ITPR1: variants seen among roughly 807,000 people sequenced by gnomAD.
ITPR1 encodes the protein inositol 1,4,5-trisphosphate receptor type 1.
Under a neutral mutation model 318.4 loss-of-function variants are expected in ITPR1, and 96 were observed. The ratio of observed to expected loss-of-function variants is 0.30; its 90% CI spans 0.26 to 0.36. ITPR1 has a LOEUF of 0.36. Among genes scored for constraint, ITPR1 ranks in the 10% least tolerant of loss-of-function variants. The pLI, the probability that ITPR1 is intolerant of heterozygous loss-of-function variation, is 1.00. For missense variants in ITPR1, 2,440 were observed against 3,460.2 expected (o/e 0.71, Z 7.40); for synonymous variants, 1,312 against 1,289.9 (o/e 1.02, Z -0.37).
At chr3:4,736,531 G>A (rs1021736211) in intron 44 of ITPR1, among the ~76,000 whole-genome samples, 11 of 152,302 alleles carry the variant, frequency 7.2e-5, no homozygotes, top group African/African-American at 2.4e-4. Flanking sequence ...TTCCCCCAAC[G>A]TACACTTTTG....
chr3:4,696,091 A>G (rs2094553256), intron 33 of ITPR1, among the ~76,000 whole-genome samples: 1 of 152,162 alleles, frequency 6.6e-6, no homozygotes, highest in African/African-American at 2.4e-5. Flanking sequence ...AGTATCGCAT[A>G]CCAGCTTAAT....
intron 4 of ITPR1, among the ~76,000 whole-genome samples, chr3:4,624,475 C>T (rs573067633): frequency 6.6e-6 from 1 of 152,106 alleles, no homozygotes; most frequent in East Asian, 1.9e-4. Context: ...TCGAGACCAG[C>T]CTGGCCAACA....
At chr3:4,791,070 G>A (rs1559902759) in intron 52 of ITPR1, among the ~76,000 whole-genome samples, 2 of 152,178 alleles carry the variant, frequency 1.3e-5, no homozygotes, top group African/African-American at 2.4e-5. Context: ...AAGTGTATAT[G>A]GAGTCCAAGC....
intron 46 of ITPR1, among the ~76,000 whole-genome samples, chr3:4,774,019 GA>G (rs568414136): frequency 6.6e-6 from 1 of 152,134 alleles, no homozygotes; most frequent in Non-Finnish European, 1.5e-5. Context: ...AAGACCAAAT[GA>G]AAATAAGTAT....
At chr3:4,607,343 G>C (rs370293627) in intron 4 of ITPR1, among the ~76,000 whole-genome samples, 2 of 152,168 alleles carry the variant, frequency 1.3e-5, no homozygotes, top group Non-Finnish European at 2.9e-5. Flanking sequence ...GTGTTTCTCA[G>C]AGTGTGGTTG....
intron 4 of ITPR1, among the ~76,000 whole-genome samples, chr3:4,586,482 G>A (rs2089909093): frequency 1.3e-5 from 2 of 149,218 alleles, no homozygotes; most frequent in South Asian, 4.3e-4. Context: ...TTAAGTCACT[G>A]TCTGGCGGCA....
intron 4 of ITPR1, among the ~76,000 whole-genome samples, chr3:4,607,064 C>T (rs1300364648): frequency 1.3e-5 from 2 of 152,138 alleles, no homozygotes; most frequent in African/African-American, 2.4e-5. Context: ...ACAATAATAT[C>T]GAAGGCCTCT....
At chr3:4,524,375 A>G (rs1279187291) in intron 4 of ITPR1, among the ~76,000 whole-genome samples, 1 of 140,502 alleles carries the variant, frequency 7.1e-6, no homozygotes, top group African/African-American at 2.6e-5. Context: ...CTGCGTTTCC[A>G]AATATAAGTG....
intron 2 of ITPR1, among the ~76,000 whole-genome samples, chr3:4,502,528 C>T (rs1256518647): frequency 6.6e-6 from 1 of 151,892 alleles, no homozygotes; most frequent in Non-Finnish European, 1.5e-5. Context: ...GCAACCTCCG[C>T]CTGCCAGGTT....
At chr3:4,658,877 C>A (rs1013772563) in intron 13 of ITPR1, among the ~76,000 whole-genome samples, 1 of 152,086 alleles carries the variant, frequency 6.6e-6, no homozygotes, top group Non-Finnish European at 1.5e-5. Context: ...ATGGCTGACA[C>A]TTATTGAGCG....
intron 51 of ITPR1, 87 bp downstream of exon 51, chr3:4,784,007 C>T: frequency 1.1e-6 from 1 of 883,156 alleles, no homozygotes; most frequent in Non-Finnish European, 1.8e-6. Context: ...TGCATTCATT[C>T]ATCTGAGCAA....
chr3:4,768,917 TC>T (rs142461384), intron 46 of ITPR1, among the ~76,000 whole-genome samples, 153 bp downstream of exon 46: 4,256 of 139,126 alleles, frequency 0.031, 94 homozygotes, highest in African/African-American at 0.053. Context: ...TTTTCTTTTT[TC>T]TTTTTTTTTG....
intron 12 of ITPR1, among the ~76,000 whole-genome samples, chr3:4,657,470 T>G (rs889950449): frequency 8.7e-5 from 11 of 126,338 alleles, no homozygotes; most frequent in African/African-American, 4.2e-4. Flanking sequence ...TTTTGAAAGA[T>G]TTTTTTTTTT....
In ITPR1 at chr3:4,833,862, C is replaced by T. The variant is rs1263754271; in HGVS notation, c.8029-2912C>T. Reference sequence around the variant, plus strand: ...CTTGGACACTACTCTCTCTACCGCTCCTAGATACAACATAGCCTGCATTAT... The same window carrying T: ...CTTGGACACTACTCTCTCTACCGCTTCTAGATACAACATAGCCTGCATTAT... On this transcript the variant is annotated intron_variant, in intron 60 of 61. Transcript: ENST00000649015. Among the ~76,000 whole-genome samples the T allele has an allele frequency of 7.9e-5, 12 of 152,268 alleles. No homozygotes were observed. The East Asian group carries it at 2.3e-3, about 29-fold the overall frequency.
chr3:4,813,303 A>G (rs2049061181), intron 57 of ITPR1, 69 bp downstream of exon 57: 1 of 1,064,616 alleles, frequency 9.4e-7, no homozygotes, highest in Non-Finnish European at 1.4e-6. Flanking sequence ...GATGCAGGTG[A>G]TGTTGGAAGA....
chr3:4,625,273 T>C (rs1216790791), intron 4 of ITPR1, among the ~76,000 whole-genome samples: 1 of 151,938 alleles, frequency 6.6e-6, no homozygotes, highest in African/African-American at 2.4e-5. Context: ...CAGTACATAG[T>C]AACAGTTAAT....
chr3:4,498,958 T>C (rs1382494746), intron 2 of ITPR1, among the ~76,000 whole-genome samples: 3 of 152,172 alleles, frequency 2.0e-5, no homozygotes, highest in Non-Finnish European at 4.4e-5. Flanking sequence ...CCCCTGCACA[T>C]GTGCAAACTT....
chr3:4,732,837 T>C (rs760343901), intron 42 of ITPR1, among the ~76,000 whole-genome samples: 1 of 152,254 alleles, frequency 6.6e-6, no homozygotes, highest in East Asian at 1.9e-4. Flanking sequence ...ATTACTGTTC[T>C]GTCTTATCAT....
intron 35 of ITPR1, among the ~76,000 whole-genome samples, chr3:4,700,864 CAAGAG>C (rs1388129380): frequency 6.6e-6 from 1 of 152,128 alleles, no homozygotes; most frequent in Admixed American, 6.5e-5. Context: ...TGGCAGCAGA[CAAGAG>C]AAGAGAACTT....
Sources: gnomAD v4.1 joint callset for allele counts (sites outside exome capture counted in the v4.1 genomes callset) on GRCh38, gnomAD v4.1.1 for gene constraint, MANE v1.5 for transcripts, NCBI Gene and HGNC (gene_info 2026-07-23, HGNC 2026-07-21) for gene names.